Variants in TIAM2 observed in about 807,000 individuals in gnomAD.
The protein encoded by TIAM2 is TIAM Rac1 associated GEF 2.
In TIAM2, 80 loss-of-function variants were observed where a neutral mutation model predicts 152.9. The observed-to-expected ratio is 0.52, with a 90% CI of 0.44 to 0.63. The LOEUF (loss-of-function observed/expected upper bound fraction) is 0.63. Ranked by LOEUF, TIAM2 falls within the 30% of genes least tolerant of loss-of-function variation. The pLI, the probability that TIAM2 is intolerant of heterozygous loss-of-function variation, is 0.00. For synonymous variants in TIAM2, 804 were observed against 838.0 expected (o/e 0.96, Z 0.70); for missense variants, 1,965 against 2,120.1 (o/e 0.93, Z 1.44).
intron 1 of TIAM2, among the ~76,000 whole-genome samples, chr6:155,043,443 G>A (rs1777091711): frequency 6.6e-6 from 1 of 151,866 alleles, no homozygotes; most frequent in Non-Finnish European, 1.5e-5. Context: ...ACTAGCCTGG[G>A]CAACCTAGTG....
intron 25 of TIAM2, 130 bp from the exon 26 acceptor site, chr6:155,254,289 C>A: frequency 8.1e-7 from 1 of 1,238,128 alleles, no homozygotes; most frequent in Non-Finnish European, 1.1e-6. Flanking sequence ...GGCCACATGG[C>A]ACTGCTGCTG....
intron 14 of TIAM2, among the ~76,000 whole-genome samples, chr6:155,194,413 C>T (rs111395616): frequency 6.2e-4 from 95 of 152,234 alleles, no homozygotes; most frequent in Middle Eastern, 3.4e-3. Context: ...CAGGCAGCCC[C>T]GGTGCCAGCC....
At chr6:155,165,902 G>A (rs1451928618) in intron 9 of TIAM2, among the ~76,000 whole-genome samples, 1 of 152,098 alleles carries the variant, frequency 6.6e-6, no homozygotes, top group Non-Finnish European at 1.5e-5. Flanking sequence ...CACCCCTGAA[G>A]AGGTAGTCAC....
intron 20 of TIAM2, among the ~76,000 whole-genome samples, chr6:155,248,638 A>T (rs996034287): frequency 2.0e-5 from 3 of 152,134 alleles, no homozygotes; most frequent in African/African-American, 7.2e-5. Flanking sequence ...CGGCTTCAAA[A>T]CCAAACTCCC....
rs562915655 is a variant in TIAM2 at position 155,058,270 on chromosome 6, G to A, written c.-208-32019G>A. On this transcript the variant is annotated intron_variant, in intron 1 of 26. Coordinates refer to ENST00000682666, the MANE Select transcript of TIAM2 (RefSeq NM_012454.4). The stretch of plus-strand genomic sequence containing the variant: ...GTATTTCCTGTTCTTCTAACTAGAT[G>A]TGTGAGTGTCAAGTGGCTCCATCTC... 5.3e-5 allele frequency among the ~76,000 whole-genome samples: 8 copies of A among 152,306 alleles called. No homozygotes were observed. The South Asian group carries it at 1.0e-3, about 20-fold the overall frequency.
At chr6:155,043,970 C>T (rs1777104271) in intron 1 of TIAM2, among the ~76,000 whole-genome samples, 1 of 152,092 alleles carries the variant, frequency 6.6e-6, no homozygotes. Context: ...AGGGCCATGG[C>T]ATAGTTTTGA....
At chr6:155,193,629 C>T (rs932595862) in intron 14 of TIAM2, among the ~76,000 whole-genome samples, 13 of 152,178 alleles carry the variant, frequency 8.5e-5, no homozygotes, top group Non-Finnish European at 1.3e-4. Context: ...GCTCCCAACA[C>T]AGTTGTACAT....
At chr6:155,062,688 C>G (rs1438608306) in intron 1 of TIAM2, among the ~76,000 whole-genome samples, 2 of 151,372 alleles carry the variant, frequency 1.3e-5, no homozygotes, top group East Asian at 3.9e-4. Context: ...ATGCGATTCT[C>G]CTGCCTCAGC....
chr6:155,057,748 G>A (rs548688215), intron 1 of TIAM2, among the ~76,000 whole-genome samples: 42 of 151,748 alleles, frequency 2.8e-4, no homozygotes, highest in African/African-American at 8.7e-4. Context: ...GTTCCACTAT[G>A]TTCACCAGGC....
intron 2 of TIAM2, among the ~76,000 whole-genome samples, chr6:155,118,617 T>C (rs1417803239): frequency 1.3e-5 from 2 of 151,852 alleles, no homozygotes; most frequent in Non-Finnish European, 2.9e-5. Flanking sequence ...ATTTTTTTAG[T>C]GGAGAAGGGG....
chr6:155,025,723 G>A (rs890904359), intron 1 of TIAM2, among the ~76,000 whole-genome samples: 22 of 151,976 alleles, frequency 1.4e-4, no homozygotes, highest in African/African-American at 5.3e-4. Flanking sequence ...TTTGACGGCT[G>A]AGGTTTGGGT....
chr6:155,145,260 C>A (rs1779795266), intron 6 of TIAM2, among the ~76,000 whole-genome samples: 1 of 152,120 alleles, frequency 6.6e-6, no homozygotes, highest in Non-Finnish European at 1.5e-5. Context: ...GTCTTAGGAT[C>A]TTAAGATTCA....
intron 15 of TIAM2, chr6:155,217,234 TTTCTCCCCAGAAGGGA>T: frequency 1.1e-6 from 1 of 887,812 alleles, no homozygotes; most frequent in Non-Finnish European, 1.5e-6. Flanking sequence ...AAGAGATGCC[TTTCTCCCCAGAAGGGA>T]TTCTGACAGT....
At chr6:155,113,284 T>C (rs1349602537) in intron 2 of TIAM2, among the ~76,000 whole-genome samples, 1 of 152,112 alleles carries the variant, frequency 6.6e-6, no homozygotes, top group Non-Finnish European at 1.5e-5. Flanking sequence ...GTCTCCTCCT[T>C]GCAAGTCTCT....
chr6:155,021,979 G>A (rs561233876), intron 1 of TIAM2, among the ~76,000 whole-genome samples: 2 of 152,230 alleles, frequency 1.3e-5, no homozygotes, highest in East Asian at 1.9e-4. Flanking sequence ...AAGCTGCTTC[G>A]TGCTGTTTAC....
intron 5 of TIAM2, among the ~76,000 whole-genome samples, chr6:155,142,899 G>A (rs1004643168): frequency 6.6e-6 from 1 of 152,156 alleles, no homozygotes; most frequent in Admixed American, 6.6e-5. Flanking sequence ...TGCTGTTATC[G>A]GTTCTATTGT....
At chr6:155,190,789 CTA>C (rs1781179736) in intron 14 of TIAM2, among the ~76,000 whole-genome samples, 1 of 151,670 alleles carries the variant, frequency 6.6e-6, no homozygotes, top group Admixed American at 6.6e-5. Flanking sequence ...TTCTATGAAA[CTA>C]TTGGCTGCTG....
chr6:155,227,938 A>G (rs572813716), intron 15 of TIAM2, among the ~76,000 whole-genome samples: 2 of 152,352 alleles, frequency 1.3e-5, no homozygotes, highest in Non-Finnish European at 2.9e-5. Flanking sequence ...AGCATCTTAG[A>G]ACTATTATCA....
At chr6:155,170,747 C>A (rs1316475078) in intron 9 of TIAM2, among the ~76,000 whole-genome samples, 1 of 152,182 alleles carries the variant, frequency 6.6e-6, no homozygotes, top group Non-Finnish European at 1.5e-5. Flanking sequence ...ATCAACAGGT[C>A]CCATCGATGC....
Sources: gnomAD v4.1 joint callset for allele counts (sites outside exome capture counted in the v4.1 genomes callset) on GRCh38, gnomAD v4.1.1 for gene constraint, MANE v1.5 for transcripts, NCBI Gene and HGNC (gene_info 2026-07-23, HGNC 2026-07-21) for gene names.